Variants in ZFHX3 observed in about 807,000 individuals in gnomAD.
The protein encoded by ZFHX3 is zinc finger homeobox 3.
Under a neutral mutation model 279.1 loss-of-function variants are expected in ZFHX3, and 42 were observed. The ratio of observed to expected loss-of-function variants is 0.15; its 90% CI spans 0.12 to 0.19. ZFHX3 has a LOEUF of 0.19. Ranked by LOEUF, ZFHX3 falls within the 10% of genes least tolerant of loss-of-function variation. The pLI is 1.00. For missense variants in ZFHX3, 4,981 were observed against 4,754.0 expected (o/e 1.05, Z -1.40); for synonymous variants, 2,293 against 1,957.8 (o/e 1.17, Z -4.52).
At chr16:73,319,389 T>C (rs2015525604) in intron 3 of ZFHX3, among the ~76,000 whole-genome samples, 1 of 151,790 alleles carries the variant, frequency 6.6e-6, no homozygotes, top group African/African-American at 2.4e-5. Context: ...TACTTGGCAA[T>C]AGGGGATAGG....
At chr16:73,118,120 G>C (rs1355525908) in intron 7 of ZFHX3, among the ~76,000 whole-genome samples, 1 of 152,190 alleles carries the variant, frequency 6.6e-6, no homozygotes, top group Non-Finnish European at 1.5e-5. Flanking sequence ...TGCCCATGAA[G>C]GACAGATGGA....
chr16:73,382,975 A>C (rs2016840783), intron 3 of ZFHX3, among the ~76,000 whole-genome samples: 1 of 152,192 alleles, frequency 6.6e-6, no homozygotes, highest in Non-Finnish European at 1.5e-5. Context: ...GTGAATTCTT[A>C]GTTAAATGAG....
intron 3 of ZFHX3, among the ~76,000 whole-genome samples, chr16:73,455,283 C>T (rs926796056): frequency 6.6e-6 from 1 of 152,154 alleles, no homozygotes; most frequent in African/African-American, 2.4e-5. Context: ...CATTTGCATT[C>T]TCAGAGTTTG....
upstream of ZFHX3, among the ~76,000 whole-genome samples, chr16:73,050,268 G>C (rs902046171): frequency 4.8e-4 from 73 of 152,210 alleles, no homozygotes; most frequent in Non-Finnish European, 1.3e-4. Context: ...CAGAAGGCCC[G>C]GACGGGATCT....
intron 4 of ZFHX3, among the ~76,000 whole-genome samples, chr16:73,282,912 T>C (rs1408186704): frequency 2.0e-5 from 3 of 152,244 alleles, no homozygotes; most frequent in Non-Finnish European, 4.4e-5. Context: ...AATATTGAGT[T>C]ATTGAGCATC....
At position 73,681,340 on chromosome 16, in the gene ZFHX3, A is replaced by G. The variant is rs539847047; in HGVS notation, c.-1607-1100T>C. Among the ~76,000 whole-genome samples the G allele has an allele frequency of 2.9e-4, 44 of 152,354 alleles. No individual in the cohort carries two copies. The South Asian group carries it at 4.4e-3, about 15-fold the overall frequency. On this transcript the variant is annotated intron_variant, in intron 1 of 17. Coordinates refer to the ZFHX3 transcript ENST00000641206. ...AAGAATGATCGTCCAAAGCGAAGGCAGAAGTGTCTCTCCAAGTGAATGCAG... is the reference window on the plus strand; with the variant it reads ...AAGAATGATCGTCCAAAGCGAAGGCGGAAGTGTCTCTCCAAGTGAATGCAG...
intron 1 of ZFHX3, among the ~76,000 whole-genome samples, chr16:73,018,935 C>T (rs1319793540): frequency 5.3e-5 from 8 of 152,178 alleles, no homozygotes; most frequent in African/African-American, 1.9e-4. Context: ...TCCGGTTCCG[C>T]TAAGACTCTG....
At chr16:73,710,766 C>T (rs1212022954) in intron 1 of ZFHX3, among the ~76,000 whole-genome samples, 3 of 152,128 alleles carry the variant, frequency 2.0e-5, no homozygotes, top group African/African-American at 7.2e-5. Context: ...CAGCTTCCCC[C>T]TCGACCCCCG....
intron 4 of ZFHX3, among the ~76,000 whole-genome samples, chr16:73,309,877 A>G (rs1206897519): frequency 2.0e-5 from 3 of 150,686 alleles, no homozygotes; most frequent in Non-Finnish European, 2.9e-5. Context: ...AGGAGGCATA[A>G]ACATGCTTTG....
chr16:73,424,739 G>C (rs1303947340), intron 3 of ZFHX3, among the ~76,000 whole-genome samples: 8 of 105,906 alleles, frequency 7.6e-5, no homozygotes, highest in Non-Finnish European at 1.4e-4. Context: ...GGGAGACAGA[G>C]TGATACCCTG....
At chr16:73,359,316 A>T (rs952731998) in intron 3 of ZFHX3, among the ~76,000 whole-genome samples, 1 of 152,106 alleles carries the variant, frequency 6.6e-6, no homozygotes, top group African/African-American at 2.4e-5. Context: ...GCATGTGCAG[A>T]GAAGCAGAGG....
At chr16:73,488,181 G>C (rs1347182809) in intron 2 of ZFHX3, among the ~76,000 whole-genome samples, 1 of 152,170 alleles carries the variant, frequency 6.6e-6, no homozygotes, top group Non-Finnish European at 1.5e-5. Context: ...TGCTCCTTTG[G>C]GAGCTAATGT....
Position 72,991,422 on chromosome 16 carries a change from G to A in ZFHX3, c.-49-31228C>T, listed in dbSNP as rs74028179. On this transcript the variant is annotated intron_variant, in intron 1 of 9. Coordinates refer to ENST00000268489, the MANE Select transcript of ZFHX3 (RefSeq NM_006885.4). ...TCGTGGCTAGGAGTATATGCTCTGAGCTGGCATCCCAGCGCAGAGGCCATT... is the reference window on the plus strand; with the variant it reads ...TCGTGGCTAGGAGTATATGCTCTGAACTGGCATCCCAGCGCAGAGGCCATT... Among the ~76,000 whole-genome samples, 618 of 152,302 alleles carry A rather than the reference G, an allele frequency of 4.1e-3. 4 individuals are homozygous for A. Among genetic ancestry groups the A allele is most frequent in the African/African-American group, 0.014 (596 of 41,572 alleles).
intron 1 of ZFHX3, among the ~76,000 whole-genome samples, chr16:73,054,131 T>A (rs1470623985): frequency 6.6e-6 from 1 of 152,146 alleles, no homozygotes; most frequent in African/African-American, 2.4e-5. Context: ...TGATCCTTAA[T>A]ATTTATTGGT....
chr16:72,957,770 G>A lies in ZFHX3; in HGVS notation c.2376C>T (p.Ala792=), dbSNP rs376718314. 149 of 1,613,942 alleles carry A rather than the reference G, an allele frequency of 9.2e-5. No individual in the cohort carries two copies. The highest frequency in any genetic ancestry group is 1.3e-4 in the South Asian group (12 of 91,084). The change falls in exon 2 of 10, where the codon GCC becomes GCT. Residue 792 remains alanine, a synonymous_variant. Transcript: ENST00000268489. ...AAANISSSCG[A]PSPTKPKTKP... is the part of the protein sequence containing the mutation. Reference sequence around the variant, plus strand: ...TGGTTTTTGGTTTGGTCGGCGAGGGGGCCCCGCAGGAGCTACTGATATTGG... The same window carrying A: ...TGGTTTTTGGTTTGGTCGGCGAGGGAGCCCCGCAGGAGCTACTGATATTGG...
At chr16:73,664,801 T>C (rs2052818473) in intron 2 of ZFHX3, among the ~76,000 whole-genome samples, 1 of 152,212 alleles carries the variant, frequency 6.6e-6, no homozygotes, top group African/African-American at 2.4e-5. Flanking sequence ...TAACAGAGCA[T>C]TCAGATACAC....
At chr16:73,151,099 A>T (rs1303086688) in intron 5 of ZFHX3, among the ~76,000 whole-genome samples, 3 of 152,242 alleles carry the variant, frequency 2.0e-5, no homozygotes, top group Non-Finnish European at 4.4e-5. Flanking sequence ...ACACTGAATG[A>T]TTCTATTTAT....
At chr16:73,608,606 AC>A (rs1052992388) in intron 2 of ZFHX3, 2 of 152,364 alleles carry the variant, frequency 1.3e-5, no homozygotes, top group Admixed American at 1.3e-4. Flanking sequence ...GCAGAAAACA[AC>A]AATTTTTTTT....
At chr16:73,580,159 T>A (rs1157827443) in intron 2 of ZFHX3, among the ~76,000 whole-genome samples, 1 of 151,688 alleles carries the variant, frequency 6.6e-6, no homozygotes, top group East Asian at 1.9e-4. Flanking sequence ...TTCCCCTCTA[T>A]GTGTTAGCTG....
Sources: allele counts gnomAD v4.1 joint callset (sites outside exome capture counted in the v4.1 genomes callset), GRCh38; gene constraint gnomAD v4.1.1; transcripts MANE v1.5; gene names NCBI Gene and HGNC (gene_info 2026-07-23, HGNC 2026-07-21).